PAK5: variants seen among roughly 807,000 people sequenced by gnomAD.
PAK5 encodes serine/threonine-protein kinase PAK 5.
A neutral mutation model predicts 65.9 loss-of-function variants in PAK5; 16 were observed. The ratio of observed to expected loss-of-function variants is 0.24; its 90% confidence interval spans 0.16 to 0.37. The LOEUF is 0.37. Ranked by LOEUF, PAK5 falls within the 10% of genes least tolerant of loss-of-function variation. PAK5 has a pLI of 1.00. For missense variants in PAK5, 785 were observed against 903.9 expected, an observed-to-expected ratio of 0.87 and a Z score of 1.69; for synonymous variants, 371 against 354.9, an observed-to-expected ratio of 1.05 and a Z score of -0.51.
intron 1 of PAK5, among the ~76,000 whole-genome samples, chr20:9,831,622 C>A (rs1208948941): frequency 6.6e-6 from 1 of 152,180 alleles, no homozygotes; most frequent in Non-Finnish European, 1.5e-5. Context: ...TTCCTTCCAC[C>A]TCAGCCTCCT....
chr20:9,807,177 T>C (rs1223797383), intron 1 of PAK5, among the ~76,000 whole-genome samples: 1 of 152,186 alleles, frequency 6.6e-6, no homozygotes, highest in East Asian at 1.9e-4. Context: ...CTGCAAATCC[T>C]TTTTGTCATA....
At position 9,539,503 on chromosome 20, in the gene PAK5, A is replaced by G; in HGVS notation, c.2119T>C (p.Ser707Pro). The change falls in exon 10 of 10, where the codon TCT becomes CCT. Residue 707 changes from serine to proline, a missense_variant. Physicochemically the swap from Ser to Pro is moderately conservative, Grantham distance 74 (BLOSUM62 -1). Around this residue, in one of 4 missense-constraint regions of PAK5, gnomAD observed 110 missense variants for 107.4 expected, o/e 1.02. Coordinates refer to ENST00000353224, the MANE Select transcript of PAK5 (RefSeq NM_177990.4). ...HPFLKLAGPP[S>P]CIVPLMRQYR... is the part of the protein sequence containing the mutation. Reference sequence around the variant, plus strand: ...TGTCTCATGAGGGGGACGATGCAAGACGGTGGACCTGCTAGTTTTAAGAAT... The same window carrying G: ...TGTCTCATGAGGGGGACGATGCAAGGCGGTGGACCTGCTAGTTTTAAGAAT... The G allele has an allele frequency of 6.2e-7, 1 of 1,614,070 alleles. No homozygotes were observed. Among genetic ancestry groups the G allele is most frequent in the Non-Finnish European group, 8.5e-7 (1 of 1,179,966 alleles).
At chr20:9,545,082 T>C (rs1026322250) in intron 7 of PAK5, among the ~76,000 whole-genome samples, 5 of 152,186 alleles carry the variant, frequency 3.3e-5, no homozygotes, top group Admixed American at 6.5e-5. Flanking sequence ...TCCATGACAG[T>C]TGAATCTACC....
chr20:9,571,805 A>G (rs777801580), intron 4 of PAK5, among the ~76,000 whole-genome samples: 8 of 146,124 alleles, frequency 5.5e-5, no homozygotes, highest in Non-Finnish European at 1.2e-4. Flanking sequence ...GAGAAATGGG[A>G]TTCAAATCCA....
intron 1 of PAK5, among the ~76,000 whole-genome samples, chr20:9,714,340 T>C (rs1208678269): frequency 1.3e-5 from 2 of 152,088 alleles, no homozygotes; most frequent in South Asian, 2.1e-4. Context: ...AGATAAGAAA[T>C]AACAGCTTTT....
chr20:9,740,319 G>C (rs933323105), intron 1 of PAK5, among the ~76,000 whole-genome samples: 1 of 152,116 alleles, frequency 6.6e-6, no homozygotes, highest in African/African-American at 2.4e-5. Context: ...AAGACAAATT[G>C]GTATTCTCTA....
At chr20:9,561,171 G>C (rs1053534582) in intron 6 of PAK5, among the ~76,000 whole-genome samples, 1 of 152,088 alleles carries the variant, frequency 6.6e-6, no homozygotes, top group Non-Finnish European at 1.5e-5. Flanking sequence ...TCTTTAAAAG[G>C]GAAATCAGTT....
chr20:9,682,771 T>C (rs2047667600), intron 2 of PAK5, among the ~76,000 whole-genome samples: 1 of 152,218 alleles, frequency 6.6e-6, no homozygotes, highest in Admixed American at 6.5e-5. Context: ...TATGCCTATA[T>C]ATTCACTTTG....
chr20:9,739,242 T>TTA (rs1555919744), intron 1 of PAK5, among the ~76,000 whole-genome samples: 9 of 151,420 alleles, frequency 5.9e-5, no homozygotes, highest in African/African-American at 1.9e-4. Context: ...TTTTTTTTTT[T>TTA]AAATCACAGC....
intron 1 of PAK5, among the ~76,000 whole-genome samples, chr20:9,799,015 G>A (rs2049137195): frequency 6.6e-6 from 1 of 152,074 alleles, no homozygotes; most frequent in South Asian, 2.1e-4. Context: ...GCAAAGAAGG[G>A]AAAGGAAAGA....
At chr20:9,620,667 T>A (rs2046751761) in intron 3 of PAK5, among the ~76,000 whole-genome samples, 1 of 152,094 alleles carries the variant, frequency 6.6e-6, no homozygotes, top group Admixed American at 6.6e-5. Context: ...TATGGCACCA[T>A]GGATTTCCCA....
chr20:9,547,219 A>C (rs1394846045), intron 7 of PAK5, among the ~76,000 whole-genome samples: 1 of 152,098 alleles, frequency 6.6e-6, no homozygotes, highest in East Asian at 1.9e-4. Flanking sequence ...CGTATATAAA[A>C]CTTCTCCCTC....
chr20:9,694,315 TG>T (rs1569044124), intron 2 of PAK5, among the ~76,000 whole-genome samples: 4 of 31,442 alleles, frequency 1.3e-4, no homozygotes, highest in Non-Finnish European at 1.9e-4. Context: ...TGTGTGTGTG[TG>T]TGTTTGTGTG....
chr20:9,698,701 A>T (rs1043717888), intron 2 of PAK5, among the ~76,000 whole-genome samples: 2 of 152,152 alleles, frequency 1.3e-5, no homozygotes, highest in African/African-American at 4.8e-5. Context: ...CGGAGCTCAG[A>T]GAGGTTAAGA....
At chr20:9,580,038 A>G in intron 4 of PAK5, 107 bp downstream of exon 4, 3 of 991,922 alleles carry the variant, frequency 3.0e-6, no homozygotes, top group Non-Finnish European at 4.4e-6. Flanking sequence ...ATTTTCCCTT[A>G]AAAGGCAAAC....
intron 2 of PAK5, among the ~76,000 whole-genome samples, chr20:9,693,691 T>G (rs2047828521): frequency 6.6e-6 from 1 of 152,170 alleles, no homozygotes; most frequent in African/African-American, 2.4e-5. Context: ...AAAATGCTGT[T>G]GAGCAAATAA....
intron 1 of PAK5, among the ~76,000 whole-genome samples, chr20:9,729,894 C>A (rs2048316849): frequency 6.6e-6 from 1 of 150,796 alleles, no homozygotes; most frequent in South Asian, 2.1e-4. Context: ...TGCCTGTAGT[C>A]CCAGCTACTC....
At chr20:9,656,387 C>A (rs1600205417) in intron 2 of PAK5, among the ~76,000 whole-genome samples, 1 of 152,060 alleles carries the variant, frequency 6.6e-6, no homozygotes, top group Admixed American at 6.6e-5. Flanking sequence ...AGGAATGCAT[C>A]CCAAATGCTT....
At chr20:9,755,165 T>G (rs1199323045) in intron 1 of PAK5, among the ~76,000 whole-genome samples, 1 of 152,204 alleles carries the variant, frequency 6.6e-6, no homozygotes, top group Non-Finnish European at 1.5e-5. Flanking sequence ...CTTATTATAC[T>G]CAGGCAGTTA....
Sources: allele counts gnomAD v4.1 joint callset (sites outside exome capture counted in the v4.1 genomes callset), GRCh38; gene constraint gnomAD v4.1.1; regional missense constraint gnomAD v4.1.1; transcripts MANE v1.5; gene names NCBI Gene and HGNC (gene_info 2026-07-23, HGNC 2026-07-21).